ADGRL3: variants seen among roughly 807,000 people sequenced by gnomAD.
ADGRL3 encodes the protein calcium-independent alpha-latrotoxin receptor 3.
In ADGRL3, 62 loss-of-function variants were observed where a neutral mutation model predicts 153.5. The ratio of observed to expected loss-of-function variants is 0.40; its 90% CI spans 0.33 to 0.50. The LOEUF (loss-of-function observed/expected upper bound fraction) is 0.50. ADGRL3 is among the 20% of genes least tolerant of loss of function. The pLI is 0.47. For missense variants in ADGRL3, 1,641 were observed against 1,859.4 expected (o/e 0.88, Z 2.16); for synonymous variants, 710 against 672.5 (o/e 1.06, Z -0.86).
At chr4:61,770,185 G>T (rs1299185042) in intron 8 of ADGRL3, among the ~76,000 whole-genome samples, 2 of 152,200 alleles carry the variant, frequency 1.3e-5, no homozygotes, top group East Asian at 3.8e-4. Flanking sequence ...TCTGGAAAAT[G>T]GGACAAGTTA....
At position 61,237,545 on chromosome 4, in the gene ADGRL3, C is replaced by T. The variant is rs115725433; in HGVS notation, c.-240+35780C>T. 8.6e-3 allele frequency among the ~76,000 whole-genome samples: 1,303 copies of T among 152,168 alleles called. 19 individuals carry two copies. The highest frequency in any genetic ancestry group is 0.03 in the African/African-American group (1,228 of 41,530). On this transcript the variant is annotated intron_variant, in intron 1 of 26. Coordinates refer to ENST00000683033, the MANE Select transcript of ADGRL3 (RefSeq NM_001387552.1). ...GAGAAAGAAGGACCTTTTGATTTGA[C>T]CCTGAAATATAACCCCAGTCTGCAC...
chr4:61,426,268 A>G (rs527434647), intron 2 of ADGRL3, among the ~76,000 whole-genome samples: 22 of 152,348 alleles, frequency 1.4e-4, no homozygotes, highest in African/African-American at 5.3e-4. Flanking sequence ...GCAGATTGCC[A>G]TAGGTGTCTC....
intron 1 of ADGRL3, among the ~76,000 whole-genome samples, chr4:61,279,498 T>C (rs2093628635): frequency 6.6e-6 from 1 of 152,160 alleles, no homozygotes; most frequent in East Asian, 1.9e-4. Context: ...GAAGCATCTT[T>C]AAATAGACAG....
At chr4:61,320,684 C>A (rs1202619388) in intron 1 of ADGRL3, among the ~76,000 whole-genome samples, 2 of 152,172 alleles carry the variant, frequency 1.3e-5, no homozygotes, top group Non-Finnish European at 2.9e-5. Context: ...CTAAAAAATA[C>A]CTTTACAGCA....
intron 2 of ADGRL3, among the ~76,000 whole-genome samples, chr4:61,437,355 A>C (rs72636142): frequency 0.013 from 2,049 of 152,284 alleles, 25 homozygotes; most frequent in Middle Eastern, 0.02. Context: ...TTGTCATTGC[A>C]AAGTTTATTC....
intron 1 of ADGRL3, among the ~76,000 whole-genome samples, chr4:61,282,420 AATTG>A (rs1022188252): frequency 2.6e-5 from 4 of 152,120 alleles, no homozygotes; most frequent in South Asian, 2.1e-4. Context: ...TTGGTTATTA[AATTG>A]ATTGATTTGT....
chr4:61,883,014 GC>G (rs1263376264), intron 9 of ADGRL3, among the ~76,000 whole-genome samples: 1 of 152,152 alleles, frequency 6.6e-6, no homozygotes, highest in Non-Finnish European at 1.5e-5. Flanking sequence ...TACTGGAGAG[GC>G]TGAGTCAGGA....
chr4:62,070,416 T>A lies in ADGRL3; in HGVS notation c.4140T>A (p.Asp1380Glu). The A allele has an allele frequency of 6.4e-7, 1 of 1,551,920 alleles. No homozygotes were observed. Among genetic ancestry groups the A allele is most frequent in the Non-Finnish European group, 8.7e-7 (1 of 1,147,024 alleles). Residue 1380 changes from aspartate (D) to glutamate (E), a missense_variant, in exon 27 of 27, where the codon GAT (aspartate) becomes GAA (glutamate). By Grantham distance (45) the Asp-to-Glu change is conservative (BLOSUM62 2). Transcript: ENST00000683033. ...GREDDAIVLDDATSFNHEESL... is the reference protein window; with the variant it reads ...GREDDAIVLDEATSFNHEESL... ...AAGATGATGCCATTGTCCTGGATGATGCCACCTCGTTTAACCACGAGGAGA... is the reference window on the plus strand; with the variant it reads ...AAGATGATGCCATTGTCCTGGATGAAGCCACCTCGTTTAACCACGAGGAGA...
chr4:61,218,132 A>G (rs915352196), intron 1 of ADGRL3, among the ~76,000 whole-genome samples: 3 of 152,190 alleles, frequency 2.0e-5, no homozygotes, highest in African/African-American at 7.2e-5. Context: ...ATAATAGTGA[A>G]GTATGTTTTA....
intron 2 of ADGRL3, among the ~76,000 whole-genome samples, chr4:61,439,375 T>A (rs1399986697): frequency 1.3e-5 from 2 of 152,204 alleles, no homozygotes; most frequent in Non-Finnish European, 2.9e-5. Flanking sequence ...TCAAGTAATG[T>A]TTGAAAGTGA....
At chr4:61,303,015 G>A (rs546274795) in intron 1 of ADGRL3, among the ~76,000 whole-genome samples, 47 of 152,046 alleles carry the variant, frequency 3.1e-4, no homozygotes, top group Non-Finnish European at 5.3e-4. Context: ...CACAAAAGAC[G>A]ACAGTATACT....
chr4:61,791,463 C>T (rs1247530515), intron 8 of ADGRL3, among the ~76,000 whole-genome samples: 1 of 152,188 alleles, frequency 6.6e-6, no homozygotes, highest in East Asian at 1.9e-4. Context: ...CAGCTCTACC[C>T]CTGTGGCTTT....
chr4:61,635,677 C>A (rs564083520), intron 5 of ADGRL3, among the ~76,000 whole-genome samples: 1 of 152,196 alleles, frequency 6.6e-6, no homozygotes, highest in South Asian at 2.1e-4. Flanking sequence ...TTTCCTAGGG[C>A]TGCCATAACC....
intron 4 of ADGRL3, among the ~76,000 whole-genome samples, chr4:61,560,407 G>C (rs1345395983): frequency 6.6e-6 from 1 of 152,048 alleles, no homozygotes; most frequent in African/African-American, 2.4e-5. Flanking sequence ...ATGGTAATCT[G>C]AGTATATTTG....
chr4:61,527,512 A>G (rs1242972718), intron 4 of ADGRL3, among the ~76,000 whole-genome samples: 1 of 152,056 alleles, frequency 6.6e-6, no homozygotes, highest in African/African-American at 2.4e-5. Context: ...ATAAATTTAT[A>G]TATAATTGTT....
chr4:61,496,665 G>A (rs146080015), intron 2 of ADGRL3, among the ~76,000 whole-genome samples: 3,108 of 151,266 alleles, frequency 0.021, 46 homozygotes, highest in Non-Finnish European at 0.032. Context: ...GAAAAGGCCG[G>A]GCGTGGTGGC....
chr4:61,207,426 A>G (rs1239149384), intron 1 of ADGRL3, among the ~76,000 whole-genome samples: 1 of 151,920 alleles, frequency 6.6e-6, no homozygotes, highest in Non-Finnish European at 1.5e-5. Flanking sequence ...TATGTGCCAC[A>G]TTTTCTTTAT....
intron 1 of ADGRL3, among the ~76,000 whole-genome samples, chr4:61,221,227 A>G (rs1200058360): frequency 6.6e-6 from 1 of 152,184 alleles, no homozygotes; most frequent in Admixed American, 6.5e-5. Flanking sequence ...AATGTATTGG[A>G]TATTATGAGA....
At chr4:61,584,735 A>G (rs1452717430) in intron 4 of ADGRL3, among the ~76,000 whole-genome samples, 1 of 152,002 alleles carries the variant, frequency 6.6e-6, no homozygotes, top group Non-Finnish European at 1.5e-5. Flanking sequence ...ACACTAAAAC[A>G]TTCAGGGAAT....
Sources: gnomAD v4.1 joint callset for allele counts (sites outside exome capture counted in the v4.1 genomes callset) on GRCh38, gnomAD v4.1.1 for gene constraint, MANE v1.5 for transcripts, NCBI Gene and HGNC (gene_info 2026-07-23, HGNC 2026-07-21) for gene names.